Variants in LGSN observed in about 807,000 individuals in gnomAD.
LGSN encodes lengsin, lens protein with glutamine synthetase domain.
Under a neutral mutation model 19.5 loss-of-function variants are expected in LGSN, and 21 were observed. The ratio of observed to expected loss-of-function variants is 1.07; its 90% CI spans 0.76 to 1.55. The LOEUF (loss-of-function observed/expected upper bound fraction) is 1.55, where lower values mean the gene tolerates loss of function less well. Among genes scored for constraint, LGSN ranks in the 40% most tolerant of loss-of-function variants. The pLI, the probability that LGSN is intolerant of heterozygous loss-of-function variation, is 0.00. For synonymous variants in LGSN, 257 were observed against 215.6 expected (o/e 1.19, Z -1.68); for missense variants, 673 against 608.5 (o/e 1.11, Z -1.12).
chr6:63,337,799 G>A, the LGSN span, among the ~76,000 whole-genome samples: 4 of 151,672 alleles, frequency 2.6e-5, no homozygotes, highest in Non-Finnish European at 4.4e-5. Flanking sequence ...GTGAGATACT[G>A]TCTCAAAAAC....
chr6:63,548,555 T>A, the LGSN span, among the ~76,000 whole-genome samples: 1 of 152,128 alleles, frequency 6.6e-6, no homozygotes, highest in Admixed American at 6.5e-5. Context: ...CTTCTATTCC[T>A]CTCTCCAAGC....
At chr6:63,412,543 AAAGAAAGAAAGAAAGAAAGAAAGAAAGG>A in the LGSN span, among the ~76,000 whole-genome samples, 2 of 139,366 alleles carry the variant, frequency 1.4e-5, no homozygotes, top group African/African-American at 5.8e-5. Flanking sequence ...AGAAAGAAAG[AAAGAAAGAAAGAAAGAAAGAAAGAAAGG>A]AAGGAAGGAA....
chr6:63,331,563 C>G, the LGSN span, among the ~76,000 whole-genome samples: 1 of 152,212 alleles, frequency 6.6e-6, no homozygotes, highest in African/African-American at 2.4e-5. Context: ...TTGTTTCTCC[C>G]CCTGCCCAAG....
chr6:63,354,057 G>C, the LGSN span, among the ~76,000 whole-genome samples: 1 of 152,054 alleles, frequency 6.6e-6, no homozygotes, highest in African/African-American at 2.4e-5. Flanking sequence ...AAAAAACCTA[G>C]AGAAAACACT....
chr6:63,311,719 T>A (rs1373422279), intron 1 of LGSN, among the ~76,000 whole-genome samples: 1 of 152,236 alleles, frequency 6.6e-6, no homozygotes, highest in Non-Finnish European at 1.5e-5. Context: ...TTACTTTGGT[T>A]CAAAATATTT....
the LGSN span, among the ~76,000 whole-genome samples, chr6:63,479,226 G>A: frequency 2.0e-5 from 3 of 152,112 alleles, no homozygotes; most frequent in African/African-American, 2.4e-5. Context: ...CTTTCAAAGC[G>A]TATCAGCAAG....
chr6:63,400,741 C>G, the LGSN span, among the ~76,000 whole-genome samples: 1 of 152,166 alleles, frequency 6.6e-6, no homozygotes, highest in Non-Finnish European at 1.5e-5. Flanking sequence ...CGCCTGTAAT[C>G]CCAGTACTTT....
chr6:63,397,991 T>TAGTG, the LGSN span, among the ~76,000 whole-genome samples: 1 of 151,932 alleles, frequency 6.6e-6, no homozygotes, highest in East Asian at 1.9e-4. Flanking sequence ...TTTTATTGCC[T>TAGTG]AGTGATATCA....
At chr6:63,383,111 T>G in the LGSN span, among the ~76,000 whole-genome samples, 1 of 152,044 alleles carries the variant, frequency 6.6e-6, no homozygotes, top group African/African-American at 2.4e-5. Context: ...AAAGAGCAGA[T>G]TTATTTGTTT....
the LGSN span, among the ~76,000 whole-genome samples, chr6:63,388,040 G>GTATT: frequency 7.7e-6 from 1 of 129,422 alleles, no homozygotes; most frequent in Non-Finnish European, 1.7e-5. Context: ...TAATTTTTTT[G>GTATT]TTTTTTTTTT....
chr6:63,547,570 A>G, the LGSN span, among the ~76,000 whole-genome samples: 3 of 128,434 alleles, frequency 2.3e-5, no homozygotes, highest in Non-Finnish European at 4.7e-5. Context: ...CAGTGGTACG[A>G]TCTTGGCTCA....
chr6:63,463,858 A>AAAACTTGAACAAACAAAATTTCTCG, the LGSN span, among the ~76,000 whole-genome samples: 1 of 152,224 alleles, frequency 6.6e-6, no homozygotes, highest in Non-Finnish European at 1.5e-5. Context: ...AACCTGATGT[A>AAAACTTGAACAAACAAAATTTCTCG]TCAATTTTGC....
the LGSN span, among the ~76,000 whole-genome samples, chr6:63,357,333 T>C: frequency 6.6e-6 from 1 of 152,196 alleles, no homozygotes; most frequent in Non-Finnish European, 1.5e-5. Context: ...TTTATAATCC[T>C]TTGGGTGTAT....
At chr6:63,526,833 A>ATT in the LGSN span, among the ~76,000 whole-genome samples, 639 of 127,986 alleles carry the variant, frequency 5.0e-3, 4 homozygotes, top group African/African-American at 0.011. Context: ...ATATATATAT[A>ATT]TATTTATTTA....
the LGSN span, among the ~76,000 whole-genome samples, chr6:63,351,177 G>C: frequency 6.6e-6 from 1 of 152,108 alleles, no homozygotes; most frequent in East Asian, 1.9e-4. Flanking sequence ...AGAAAACCCT[G>C]TCTGTGAGGA....
At chr6:63,475,315 A>G in the LGSN span, among the ~76,000 whole-genome samples, 1 of 27,526 alleles carries the variant, frequency 3.6e-5, no homozygotes, top group African/African-American at 7.5e-5. Context: ...TAGATCTGCC[A>G]AAAAAAAAAA....
At chr6:63,406,471 G>C in the LGSN span, among the ~76,000 whole-genome samples, 1 of 150,928 alleles carries the variant, frequency 6.6e-6, no homozygotes, top group African/African-American at 2.5e-5. Context: ...GATGTTCTTT[G>C]AAACCAAAGA....
At chr6:63,327,112 C>T in the LGSN span, among the ~76,000 whole-genome samples, 2 of 152,164 alleles carry the variant, frequency 1.3e-5, no homozygotes, top group East Asian at 1.9e-4. Flanking sequence ...AAGAAGGGGC[C>T]CTGCAGTTGT....
chr6:63,313,890 A>ACATG (rs1554177607), intron 1 of LGSN, among the ~76,000 whole-genome samples: 1 of 151,060 alleles, frequency 6.6e-6, no homozygotes, highest in Non-Finnish European at 1.5e-5. Context: ...ATACATACAT[A>ACATG]CATGCATACA....
Sources: allele counts gnomAD v4.1 joint callset (sites outside exome capture counted in the v4.1 genomes callset), GRCh38; gene constraint gnomAD v4.1.1; transcripts MANE v1.5; gene names NCBI Gene and HGNC (gene_info 2026-07-23, HGNC 2026-07-21).